Variants in CAP2 observed in about 807,000 individuals in gnomAD.
CAP2 encodes adenylyl cyclase-associated protein 2.
Under a neutral mutation model 57.7 loss-of-function variants are expected in CAP2, and 24 were observed. The ratio of observed to expected loss-of-function variants is 0.42; its 90% confidence interval spans 0.30 to 0.58. CAP2 has a LOEUF of 0.58. Ranked by LOEUF, CAP2 falls within the 20% of genes least tolerant of loss-of-function variation. The pLI is 0.22. For synonymous variants in CAP2, 194 were observed against 207.2 expected, an observed-to-expected ratio of 0.94 and a Z score of 0.55; for missense variants, 501 against 590.3, an observed-to-expected ratio of 0.85 and a Z score of 1.57.
At chr6:17,422,746 G>C (rs930207536) in intron 2 of CAP2, among the ~76,000 whole-genome samples, 1 of 151,860 alleles carries the variant, frequency 6.6e-6, no homozygotes, top group Non-Finnish European at 1.5e-5. Flanking sequence ...TCCCAAAAAG[G>C]GTACCACATA....
chr6:17,406,398 C>CTTTTTTTTTTTTTTT lies in CAP2; in HGVS notation c.-2+12653_-2+12667dup, dbSNP rs777803474. ...CTTTTCTGTCAGTAAGCCCAGATTT[C>CTTTTTTTTTTTTTTT]TTTTTTTTTTTTTTTGAGGCAGTCT... On this transcript the variant is annotated intron_variant, in intron 1 of 12. Transcript: ENST00000229922. Among the ~76,000 whole-genome samples, 22 of 102,472 alleles carry CTTTTTTTTTTTTTTT rather than the reference C, an allele frequency of 2.1e-4. 4 individuals carry two copies. The highest frequency in any genetic ancestry group is 6.3e-4 in the South Asian group (2 of 3,186). 67.2% of individuals were successfully genotyped at this position (102,472 alleles called of 152,430 possible).
intron 7 of CAP2, among the ~76,000 whole-genome samples, chr6:17,519,267 C>A (rs1222766123): frequency 6.6e-6 from 1 of 151,926 alleles, no homozygotes; most frequent in Non-Finnish European, 1.5e-5. Context: ...AACTGCTGCC[C>A]TGTTCAGTTG....
intron 6 of CAP2, among the ~76,000 whole-genome samples, chr6:17,512,225 T>C (rs139898091): frequency 2.1e-3 from 313 of 151,926 alleles, no homozygotes; most frequent in African/African-American, 7.1e-3. Context: ...CCTCCATCCC[T>C]ACAAAAAAAT....
chr6:17,535,254 T>C (rs926263906), intron 7 of CAP2, among the ~76,000 whole-genome samples: 2 of 151,584 alleles, frequency 1.3e-5, no homozygotes, highest in South Asian at 2.1e-4. Context: ...GCCCAGACCT[T>C]CCTTTAATTT....
chr6:17,524,859 TA>T (rs1762466749), intron 7 of CAP2, among the ~76,000 whole-genome samples: 1 of 151,348 alleles, frequency 6.6e-6, no homozygotes, highest in Non-Finnish European at 1.5e-5. Flanking sequence ...TAAGAATCTA[TA>T]AATATTTTAG....
At chr6:17,445,314 C>A (rs1166691653) in intron 3 of CAP2, among the ~76,000 whole-genome samples, 2 of 152,212 alleles carry the variant, frequency 1.3e-5, no homozygotes, top group African/African-American at 4.8e-5. Flanking sequence ...ACCACGTTGG[C>A]CAGGCTGGTC....
chr6:17,470,289 T>C (rs1760984864), intron 4 of CAP2, among the ~76,000 whole-genome samples: 1 of 152,222 alleles, frequency 6.6e-6, no homozygotes, highest in South Asian at 2.1e-4. Flanking sequence ...AAGCCCGTGT[T>C]TTCTTGTCTT....
At chr6:17,531,386 G>C (rs1445230265) in intron 7 of CAP2, 1 of 1,594,026 alleles carries the variant, frequency 6.3e-7, no homozygotes, top group Non-Finnish European at 8.5e-7. Flanking sequence ...TTTGGGTTCT[G>C]CAGGTACATA....
rs568090452 is a variant in CAP2 at position 17,407,425 on chromosome 6, G to A, written c.-2+13679G>A. Among the ~76,000 whole-genome samples, 13 of 151,780 alleles carry A rather than the reference G, an allele frequency of 8.6e-5. No individual in the cohort carries two copies. In the South Asian group the frequency reaches 2.5e-3, roughly 29 times the overall value. ...GCCCAGGAGCTCAAGGTTGCAGTGA[G>A]CTATGATTGTGCCACTGCACTCCAG... On this transcript the variant is annotated intron_variant, in intron 1 of 12. Coordinates refer to ENST00000229922, the MANE Select transcript of CAP2 (RefSeq NM_006366.3).
chr6:17,436,623 A>G (rs948220635), intron 3 of CAP2, among the ~76,000 whole-genome samples: 1 of 152,140 alleles, frequency 6.6e-6, no homozygotes, highest in African/African-American at 2.4e-5. Flanking sequence ...CGGCCATGCA[A>G]TGGAGACCAG....
intron 1 of CAP2, among the ~76,000 whole-genome samples, chr6:17,416,382 C>A (rs546655269): frequency 3.6e-4 from 55 of 152,258 alleles, no homozygotes; most frequent in African/African-American, 1.3e-3. Flanking sequence ...GACCATGTTC[C>A]AGACTTTCTC....
intron 7 of CAP2, chr6:17,536,092 T>C (rs911328973): frequency 2.5e-5 from 10 of 404,306 alleles, no homozygotes; most frequent in African/African-American, 1.9e-4. Context: ...GTGCTGGGAC[T>C]ACATACAGGT....
At chr6:17,452,009 T>G (rs1257786796) in intron 3 of CAP2, among the ~76,000 whole-genome samples, 1 of 152,226 alleles carries the variant, frequency 6.6e-6, no homozygotes, top group Non-Finnish European at 1.5e-5. Context: ...CATGTTTATT[T>G]CATAAGGACA....
intron 1 of CAP2, among the ~76,000 whole-genome samples, chr6:17,403,724 T>C (rs1320123063): frequency 1.3e-5 from 2 of 152,190 alleles, no homozygotes; most frequent in Non-Finnish European, 2.9e-5. Flanking sequence ...TAAGATAAAC[T>C]TCTGTAGGGC....
intron 7 of CAP2, among the ~76,000 whole-genome samples, chr6:17,531,903 C>T (rs1368777619): frequency 2.0e-5 from 3 of 152,074 alleles, no homozygotes; most frequent in Non-Finnish European, 4.4e-5. Flanking sequence ...TCTACAATTA[C>T]TTCTTTGTGC....
chr6:17,464,986 T>A (rs1282006048), intron 4 of CAP2, among the ~76,000 whole-genome samples: 1 of 152,156 alleles, frequency 6.6e-6, no homozygotes, highest in Non-Finnish European at 1.5e-5. Flanking sequence ...GCCTCTCCAA[T>A]GGCTTTGCAG....
chr6:17,508,604 TC>T (rs1437844291), intron 6 of CAP2, among the ~76,000 whole-genome samples: 1 of 152,122 alleles, frequency 6.6e-6, no homozygotes, highest in Non-Finnish European at 1.5e-5. Flanking sequence ...AGAGTGGATC[TC>T]CCTCTGAGCT....
chr6:17,432,091 C>G (rs1164809799), intron 3 of CAP2, among the ~76,000 whole-genome samples: 1 of 152,132 alleles, frequency 6.6e-6, no homozygotes, highest in Non-Finnish European at 1.5e-5. Context: ...TCTGGTCCTA[C>G]GAGTTGTCAC....
intron 4 of CAP2, among the ~76,000 whole-genome samples, chr6:17,485,134 A>G (rs1490869033): frequency 6.6e-6 from 1 of 151,770 alleles, no homozygotes; most frequent in Admixed American, 6.6e-5. Context: ...AAATAACTAG[A>G]TTCCCAGTCC....
Sources: allele counts gnomAD v4.1 joint callset (sites outside exome capture counted in the v4.1 genomes callset), GRCh38; gene constraint gnomAD v4.1.1; transcripts MANE v1.5; gene names NCBI Gene and HGNC (gene_info 2026-07-23, HGNC 2026-07-21).